DACH2: variants seen among roughly 807,000 people sequenced by gnomAD.
The protein encoded by DACH2 is dachshund homolog 2.
In DACH2, 17 loss-of-function variants were observed where a neutral mutation model predicts 35.8. The ratio of observed to expected loss-of-function variants is 0.48; its 90% confidence interval spans 0.33 to 0.71. DACH2 has a LOEUF of 0.71. Among genes scored for constraint, DACH2 ranks in the 30% least tolerant of loss-of-function variants. DACH2 has a pLI of 0.02. For synonymous variants in DACH2, 195 were observed against 177.3 expected (o/e 1.10, Z -0.79); for missense variants, 469 against 472.7 (o/e 0.99, Z 0.07).
intron 3 of DACH2, among the ~76,000 whole-genome samples, chrX:86,634,393 G>A (rs894387268): frequency 2.7e-5 from 3 of 111,280 alleles, no homozygotes; most frequent in Non-Finnish European, 3.8e-5. Context: ...ACTAGAATAA[G>A]ACAAGGATGC....
chrX:86,689,496 T>G (rs2040986571), intron 4 of DACH2, among the ~76,000 whole-genome samples: 1 of 111,876 alleles, frequency 8.9e-6, no homozygotes, highest in Non-Finnish European at 1.9e-5. Context: ...AATATTTTTC[T>G]ACTACAAAAT....
intron 1 of DACH2, among the ~76,000 whole-genome samples, chrX:86,195,172 T>C (rs1161859516): frequency 8.9e-6 from 1 of 112,291 alleles, no homozygotes. Flanking sequence ...GCCAGAATAG[T>C]GTGTGCATGC....
At chrX:86,302,119 T>C (rs1189699871) in intron 1 of DACH2, among the ~76,000 whole-genome samples, 1 of 111,578 alleles carries the variant, frequency 9.0e-6, no homozygotes, top group Admixed American at 9.5e-5. Flanking sequence ...GTTTTATACA[T>C]ATATATTTTA....
chrX:86,707,645 GGT>G (rs749130300), intron 5 of DACH2, among the ~76,000 whole-genome samples: 317 of 110,244 alleles, frequency 2.9e-3, no homozygotes, highest in Non-Finnish European at 5.5e-3. Context: ...GCCCAGGCGC[GGT>G]GGCCCACGCC....
intron 1 of DACH2, among the ~76,000 whole-genome samples, chrX:86,335,549 T>C (rs2035292183): frequency 8.9e-6 from 1 of 111,768 alleles, no homozygotes; most frequent in Non-Finnish European, 1.9e-5. Context: ...TTTGGCTCTC[T>C]GTCTGTTCTT....
intron 1 of DACH2, among the ~76,000 whole-genome samples, chrX:86,269,708 G>T (rs1025371111): frequency 4.5e-5 from 5 of 110,946 alleles, no homozygotes; most frequent in African/African-American, 3.3e-5. Context: ...AGGCAGGACT[G>T]AAATTTAGAA....
chrX:86,468,239 A>G (rs968104757), intron 2 of DACH2, among the ~76,000 whole-genome samples: 3 of 111,658 alleles, frequency 2.7e-5, no homozygotes, highest in Non-Finnish European at 3.8e-5. Flanking sequence ...AAAAGAAAAT[A>G]TTATGAAATA....
chrX:86,606,118 G>A (rs1348584416), intron 3 of DACH2, among the ~76,000 whole-genome samples: 1 of 110,893 alleles, frequency 9.0e-6, no homozygotes, highest in African/African-American at 3.3e-5. Flanking sequence ...TTATTGAATG[G>A]TAATCACGTC....
chrX:86,706,770 A>T (rs186587863), intron 5 of DACH2, among the ~76,000 whole-genome samples: 34 of 110,492 alleles, frequency 3.1e-4, no homozygotes, highest in Admixed American at 2.9e-3. Context: ...AACCCCCAAG[A>T]AAAATTCAAA....
At chrX:86,651,265 A>G in intron 4 of DACH2, 98 bp downstream of exon 4, 1 of 918,500 alleles carries the variant, frequency 1.1e-6, no homozygotes, top group Admixed American at 3.5e-5. Flanking sequence ...TAATAAGTCT[A>G]CTTTGGTTAT....
At chrX:86,542,600 A>G (rs1479433031) in intron 3 of DACH2, among the ~76,000 whole-genome samples, 5 of 111,481 alleles carry the variant, frequency 4.5e-5, no homozygotes, top group Non-Finnish European at 9.4e-5. Context: ...AGCTAAATAA[A>G]CCTGTTTTCT....
intron 7 of DACH2, among the ~76,000 whole-genome samples, chrX:86,763,606 A>G (rs2063548572): frequency 9.0e-6 from 1 of 111,110 alleles, no homozygotes; most frequent in African/African-American, 3.3e-5. Flanking sequence ...GGCTCCCGCC[A>G]CCACGCCCGG....
intron 6 of DACH2, among the ~76,000 whole-genome samples, chrX:86,729,200 C>T (rs769139873): frequency 9.8e-5 from 11 of 112,081 alleles, no homozygotes; most frequent in Non-Finnish European, 2.1e-4. Context: ...GTTAAGGGCA[C>T]TTGGGACATG....
chrX:86,181,570 T>G (rs1273332712), intron 1 of DACH2, among the ~76,000 whole-genome samples: 1 of 111,856 alleles, frequency 8.9e-6, no homozygotes, highest in Admixed American at 9.5e-5. Context: ...CACATTTTCT[T>G]TATCCAGTCT....
At chrX:86,339,063 G>A (rs1326219523) in intron 1 of DACH2, among the ~76,000 whole-genome samples, 1 of 111,758 alleles carries the variant, frequency 8.9e-6, no homozygotes, top group Non-Finnish European at 1.9e-5. Context: ...CTGAAATTGA[G>A]GCAGTAATTA....
At chrX:86,773,836 G>A (rs1225625882) in intron 7 of DACH2, among the ~76,000 whole-genome samples, 1 of 111,601 alleles carries the variant, frequency 9.0e-6, no homozygotes, top group Non-Finnish European at 1.9e-5. Context: ...TTCCCTTTCT[G>A]ATCATGCCCA....
intron 1 of DACH2, among the ~76,000 whole-genome samples, chrX:86,322,757 C>A (rs2035039885): frequency 8.9e-6 from 1 of 112,128 alleles, no homozygotes; most frequent in Non-Finnish European, 1.9e-5. Flanking sequence ...ATAGACTGGA[C>A]TAGAGAATTT....
At chrX:86,606,672 C>T (rs1302163279) in intron 3 of DACH2, among the ~76,000 whole-genome samples, 2 of 111,361 alleles carry the variant, frequency 1.8e-5, no homozygotes, top group Non-Finnish European at 3.8e-5. Context: ...TATTCTGCTG[C>T]TGTTGGCTAA....
intron 2 of DACH2, among the ~76,000 whole-genome samples, chrX:86,472,606 C>T (rs916532278): frequency 2.8e-4 from 31 of 112,018 alleles, no homozygotes; most frequent in African/African-American, 1.0e-3. Flanking sequence ...CCCCACTACA[C>T]TGCATTTCTT....
Sources: allele counts gnomAD v4.1 joint callset (sites outside exome capture counted in the v4.1 genomes callset), GRCh38; gene constraint gnomAD v4.1.1; transcripts MANE v1.5; gene names NCBI Gene and HGNC (gene_info 2026-07-23, HGNC 2026-07-21).